Variants in ATOSA observed in about 807,000 individuals in gnomAD.
ATOSA encodes atos homolog protein A.
the ATOSA span, among the ~76,000 whole-genome samples, chr15:52,583,424 T>TCATTCATTC: frequency 7.3e-6 from 1 of 137,224 alleles, no homozygotes; most frequent in East Asian, 3.3e-4. Context: ...TTCATTCATG[T>TCATTCATTC]GAGAGTCTTG....
At chr15:52,619,754 C>G in the ATOSA span, among the ~76,000 whole-genome samples, 1 of 151,546 alleles carries the variant, frequency 6.6e-6, no homozygotes, top group Non-Finnish European at 1.5e-5. Context: ...TCACTTGAAC[C>G]CAGGAGGTGT....
chr15:52,607,501 A>G, the ATOSA span, among the ~76,000 whole-genome samples: 10 of 152,170 alleles, frequency 6.6e-5, no homozygotes, highest in Non-Finnish European at 1.0e-4. Context: ...AGTAGAAAGG[A>G]GCCTGGATTA....
the ATOSA span, among the ~76,000 whole-genome samples, chr15:52,651,100 T>C: frequency 6.6e-6 from 1 of 152,226 alleles, no homozygotes; most frequent in South Asian, 2.1e-4. Context: ...GATTTGACTA[T>C]ATTTGAAGTA....
chr15:52,672,238 A>G, the ATOSA span, among the ~76,000 whole-genome samples: 1 of 148,616 alleles, frequency 6.7e-6, no homozygotes, highest in African/African-American at 2.5e-5. Context: ...AGTCCCAGCT[A>G]CTCTGGAAGC....
At chr15:52,691,048 A>C in the ATOSA span, among the ~76,000 whole-genome samples, 10 of 152,200 alleles carry the variant, frequency 6.6e-5, no homozygotes, top group African/African-American at 2.4e-4. Context: ...CAGTAGAGAT[A>C]AGATGGCCCA....
chr15:52,697,671 A>G, the ATOSA span, among the ~76,000 whole-genome samples: 1 of 152,172 alleles, frequency 6.6e-6, no homozygotes, highest in Non-Finnish European at 1.5e-5. Context: ...AGATACTTGC[A>G]ATACATATAT....
the ATOSA span, among the ~76,000 whole-genome samples, chr15:52,598,055 C>T: frequency 6.6e-5 from 10 of 152,094 alleles, no homozygotes; most frequent in Admixed American, 2.0e-4. Context: ...ACCCAGGAGG[C>T]GGAGGTTGCA....
chr15:52,670,780 A>G, the ATOSA span, among the ~76,000 whole-genome samples: 1 of 132,604 alleles, frequency 7.5e-6, no homozygotes, highest in Non-Finnish European at 1.5e-5. Flanking sequence ...CACAGAGTAA[A>G]TTAGTCCACA....
chr15:52,589,521 A>G, the ATOSA span, among the ~76,000 whole-genome samples: 1 of 148,406 alleles, frequency 6.7e-6, no homozygotes, highest in South Asian at 2.2e-4. Context: ...TTTTTAGAAC[A>G]CAGTAACTAA....
At chr15:52,656,014 T>TACACAC in the ATOSA span, 1 of 150,938 alleles carries the variant, frequency 6.6e-6, no homozygotes, top group Non-Finnish European at 1.5e-5. Flanking sequence ...TCTGCATACA[T>TACACAC]ACACACACAC....
chr15:52,594,860 A>C, the ATOSA span, among the ~76,000 whole-genome samples: 1 of 152,072 alleles, frequency 6.6e-6, no homozygotes, highest in Non-Finnish European at 1.5e-5. Flanking sequence ...TTTTGAAAAA[A>C]GCCTTATAGT....
chr15:52,676,269 T>C, the ATOSA span, among the ~76,000 whole-genome samples: 1 of 152,184 alleles, frequency 6.6e-6, no homozygotes, highest in East Asian at 1.9e-4. Flanking sequence ...AAAAATGAAG[T>C]GTAACTGTTT....
At chr15:52,684,185 C>A in the ATOSA span, among the ~76,000 whole-genome samples, 1 of 152,174 alleles carries the variant, frequency 6.6e-6, no homozygotes, top group Non-Finnish European at 1.5e-5. Context: ...TTATTGAGTG[C>A]TTGAAATGTG....
At chr15:52,619,521 T>C in the ATOSA span, among the ~76,000 whole-genome samples, 1 of 152,194 alleles carries the variant, frequency 6.6e-6, no homozygotes, top group African/African-American at 2.4e-5. Flanking sequence ...TATGAACTGC[T>C]AGGCCTTCTT....
At chr15:52,615,908 C>T in the ATOSA span, among the ~76,000 whole-genome samples, 5 of 152,296 alleles carry the variant, frequency 3.3e-5, no homozygotes, top group Middle Eastern at 3.4e-3. Context: ...ATAAATGAAG[C>T]ATGGAGAGGT....
At chr15:52,608,881 G>A in the ATOSA span, 1 of 1,606,980 alleles carries the variant, frequency 6.2e-7, no homozygotes, top group East Asian at 2.2e-5. Context: ...ATTTTTTTTG[G>A]AATCATCAGA....
At chr15:52,609,485 A>G in the ATOSA span, 1 of 1,613,862 alleles carries the variant, frequency 6.2e-7, no homozygotes, top group Admixed American at 1.7e-5. Flanking sequence ...TGGAGTAAAG[A>G]GCCTATCAAA....
the ATOSA span, chr15:52,610,003 G>A: frequency 5.0e-6 from 8 of 1,613,706 alleles, no homozygotes; most frequent in African/African-American, 9.3e-5. Flanking sequence ...TTTACTGCCA[G>A]TGCCTGGATA....
the ATOSA span, chr15:52,678,798 G>A: frequency 6.5e-6 from 1 of 152,852 alleles, no homozygotes; most frequent in Non-Finnish European, 1.5e-5. Context: ...GTCCCGCCGC[G>A]GCCCCGGATT....
Sources: gnomAD v4.1 joint callset for allele counts (sites outside exome capture counted in the v4.1 genomes callset) on GRCh38, gnomAD v4.1.1 for gene constraint, MANE v1.5 for transcripts, NCBI Gene and HGNC (gene_info 2026-07-23, HGNC 2026-07-21) for gene names.